The following DPYSL5 variants were observed in gnomAD, a reference collection of about 807,000 sequenced individuals.
The protein encoded by DPYSL5 is dihydropyrimidinase-related protein 5.
Under a neutral mutation model 58.4 loss-of-function variants are expected in DPYSL5, and 9 were observed. The observed-to-expected ratio is 0.15, with a 90% CI of 0.09 to 0.27. The LOEUF (loss-of-function observed/expected upper bound fraction) is 0.27, where lower values mean the gene tolerates loss of function less well. Ranked by LOEUF, DPYSL5 falls within the 10% of genes least tolerant of loss-of-function variation. The pLI is 1.00. For synonymous variants in DPYSL5, 293 were observed against 301.9 expected, an observed-to-expected ratio of 0.97 and a Z score of 0.31; for missense variants, 499 against 770.6, an observed-to-expected ratio of 0.65 and a Z score of 4.17.
intron 5 of DPYSL5, 76 bp from the exon 6 acceptor site, chr2:26,931,564 A>G: frequency 6.3e-7 from 1 of 1,579,086 alleles, no homozygotes. Flanking sequence ...TTGCTCCATG[A>G]AGGGGAGAGT....
At chr2:26,858,030 A>T (rs1304007505) in intron 1 of DPYSL5, among the ~76,000 whole-genome samples, 2 of 152,212 alleles carry the variant, frequency 1.3e-5, no homozygotes, top group Non-Finnish European at 2.9e-5. Flanking sequence ...GGCAGTCATG[A>T]ACTCCTAACT....
chr2:26,903,376 T>C (rs1342481702), intron 2 of DPYSL5, among the ~76,000 whole-genome samples: 2 of 152,214 alleles, frequency 1.3e-5, no homozygotes, highest in African/African-American at 4.8e-5. Flanking sequence ...CTTTGCACTG[T>C]AAAATGGTCC....
rs867479587 is a variant in DPYSL5 at position 26,939,896 on chromosome 2, G to A, written c.948-135G>A. ...TGCAGTAACTCACGACAGACCACAT[G>A]GCCTAAGCGGCAGAGCTGAAATTGG... On this transcript the variant is annotated intron_variant, in intron 8 of 12. Coordinates refer to ENST00000288699, the MANE Select transcript of DPYSL5 (RefSeq NM_020134.4). 2.9e-5 allele frequency: 34 copies of A among 1,161,752 alleles called. No individual in the cohort carries two copies. The South Asian group carries it at 4.6e-4, about 16-fold the overall frequency. The allele number at this position is 1,161,752 out of a possible 1,614,324, so 72.0% of individuals were successfully genotyped here.
chr2:26,939,160 CAG>C (rs1665255440), intron 8 of DPYSL5: 2 of 151,958 alleles, frequency 1.3e-5, no homozygotes, highest in Admixed American at 6.6e-5. Context: ...TCTTTTCAGA[CAG>C]AGTCTCCCTC....
chr2:26,917,231 A>T (rs877274), intron 2 of DPYSL5, among the ~76,000 whole-genome samples: 1 of 151,994 alleles, frequency 6.6e-6, no homozygotes, highest in African/African-American at 2.4e-5. Flanking sequence ...GAGCAAAGTA[A>T]GGTCAGGAAG....
At chr2:26,902,185 A>G (rs1664176697) in intron 2 of DPYSL5, among the ~76,000 whole-genome samples, 1 of 152,152 alleles carries the variant, frequency 6.6e-6, no homozygotes, top group African/African-American at 2.4e-5. Context: ...AGAGGGAGTG[A>G]GGAGGGAGAG....
rs1360523534 is a variant in DPYSL5 at position 26,925,189 on chromosome 2, T to C, written c.420+144T>C. On this transcript the variant is annotated intron_variant, in intron 3 of 12. Coordinates refer to ENST00000288699, the MANE Select transcript of DPYSL5 (RefSeq NM_020134.4). This position sits in a 1 kb window ranked among gnomAD's most constrained non-coding sequence, Gnocchi z 4.5. ...CCCACAATGCCAAAAGAAAACACAC[T>C]TGGGATTCCATAAGGGGAGCGGATG... 2 of 1,131,940 alleles carry C rather than the reference T, an allele frequency of 1.8e-6. No homozygotes were observed. The highest frequency in any genetic ancestry group is 1.2e-6 in the Non-Finnish European group (1 of 816,964). The allele number at this position is 1,131,940 out of a possible 1,614,324, so 70.1% of individuals were successfully genotyped here. A position where few individuals can be genotyped will look rare whatever the true frequency, so the allele number is the denominator to read the frequency against.
chr2:26,896,994 C>T (rs1572694555), intron 1 of DPYSL5, among the ~76,000 whole-genome samples: 1 of 152,054 alleles, frequency 6.6e-6, no homozygotes, highest in Admixed American at 6.5e-5. Flanking sequence ...TGCTAGTGTA[C>T]AGAAAAAAAG....
Position 26,934,492 on chromosome 2 carries a change from C to T in DPYSL5, c.791-86C>T, listed in dbSNP as rs576850535. 1.3e-4 allele frequency: 198 copies of T among 1,513,078 alleles called. 1 individual carries two copies. Among genetic ancestry groups the T allele is most frequent in the Non-Finnish European group, 1.7e-4 (186 of 1,121,706 alleles). The allele number at this position is 1,513,078 out of a possible 1,614,324, so 93.7% of individuals were successfully genotyped here. ...CCCTTCCTGTCTCTGACCTCAGCTC[C>T]TTCACCTGTAAAATGAGAGGCACAC... On this transcript the variant is annotated intron_variant, in intron 7 of 12. Transcript: ENST00000288699. This position sits in a 1 kb window ranked among gnomAD's most constrained non-coding sequence, Gnocchi z 4.3.
intron 8 of DPYSL5, among the ~76,000 whole-genome samples, chr2:26,935,929 C>T (rs1215875759): frequency 6.6e-6 from 1 of 152,178 alleles, no homozygotes; most frequent in Non-Finnish European, 1.5e-5. Context: ...CACAAGGCAA[C>T]TTATGCCTGG....
intron 8 of DPYSL5, among the ~76,000 whole-genome samples, chr2:26,936,932 G>A (rs973779801): frequency 3.1e-5 from 1 of 31,782 alleles, no homozygotes; most frequent in Non-Finnish European, 7.1e-5. Flanking sequence ...GGCAACAAGA[G>A]CAAGACTTCA....
chr2:26,909,942 A>T (rs1036243824), intron 2 of DPYSL5, among the ~76,000 whole-genome samples: 1 of 152,226 alleles, frequency 6.6e-6, no homozygotes, highest in East Asian at 1.9e-4. Context: ...ATTTTGACAT[A>T]TACATACATC....
At chr2:26,870,673 C>T (rs1396978353) in intron 1 of DPYSL5, among the ~76,000 whole-genome samples, 1 of 150,458 alleles carries the variant, frequency 6.6e-6, no homozygotes, top group Non-Finnish European at 1.5e-5. Flanking sequence ...CCACTGCACT[C>T]CAGCCTGAGC....
chr2:26,882,209 A>G (rs1013750811), intron 1 of DPYSL5, among the ~76,000 whole-genome samples: 1 of 151,938 alleles, frequency 6.6e-6, no homozygotes, highest in African/African-American at 2.4e-5. Flanking sequence ...TTCAAACAAT[A>G]TAAAAGTACT....
At chr2:26,892,649 C>T (rs529771124) in intron 1 of DPYSL5, among the ~76,000 whole-genome samples, 55 of 146,634 alleles carry the variant, frequency 3.8e-4, no homozygotes, top group African/African-American at 1.3e-3. Context: ...TCAGCCTGGG[C>T]AATGACATAG....
At chr2:26,897,695 C>A (rs916201541) in intron 1 of DPYSL5, among the ~76,000 whole-genome samples, 9 of 152,074 alleles carry the variant, frequency 5.9e-5, no homozygotes, top group African/African-American at 2.2e-4. Context: ...GAAGGGTTTC[C>A]TTCTCTTCTG....
chr2:26,908,036 A>C (rs1051180280), intron 2 of DPYSL5, among the ~76,000 whole-genome samples: 4 of 152,172 alleles, frequency 2.6e-5, no homozygotes, highest in African/African-American at 9.7e-5. Context: ...GGGCAAGTTA[A>C]TCTCTCTGTT....
In DPYSL5 at chr2:26,911,052, A is replaced by T. The variant is rs1223404956; in HGVS notation, c.261+12292A>T. On this transcript the variant is annotated intron_variant, in intron 2 of 12. Transcript: ENST00000288699. The stretch of plus-strand genomic sequence containing the variant: ...TATGATCTGTTTTAAGTTAATTTTT[A>T]TACATGGTATGTGGTATCTATGTTC... Among the ~76,000 whole-genome samples the T allele has an allele frequency of 4.1e-5, 6 of 145,088 alleles. No individual in the cohort carries two copies. The East Asian group carries it at 9.9e-4, about 24-fold the overall frequency.
At chr2:26,883,258 G>A (rs531781008) in intron 1 of DPYSL5, among the ~76,000 whole-genome samples, 1 of 152,160 alleles carries the variant, frequency 6.6e-6, no homozygotes, top group East Asian at 1.9e-4. Flanking sequence ...CCCCTATCTT[G>A]AGTTTTCTGA....
Sources: gnomAD v4.1 joint callset for allele counts (sites outside exome capture counted in the v4.1 genomes callset) on GRCh38, gnomAD v4.1.1 for gene constraint, Gnocchi (gnomAD v3.1) non-coding constraint, MANE v1.5 for transcripts, NCBI Gene and HGNC (gene_info 2026-07-23, HGNC 2026-07-21) for gene names.